Variants in MAP3K13 observed in about 807,000 individuals in gnomAD.
MAP3K13 encodes mitogen-activated protein kinase kinase kinase 13, also known as leucine zipper-bearing kinase.
In MAP3K13, 52 loss-of-function variants were observed where a neutral mutation model predicts 104.0. That is an observed-to-expected ratio of 0.50 (90% confidence interval 0.40 to 0.63). The LOEUF (loss-of-function observed/expected upper bound fraction) is 0.63, where lower values mean the gene tolerates loss of function less well. Ranked by LOEUF, MAP3K13 falls within the 20% of genes least tolerant of loss-of-function variation. The probability of loss-of-function intolerance (pLI) is 0.00; values close to 1 mark genes in which losing one functional copy is unlikely to be tolerated. For synonymous variants in MAP3K13, 394 were observed against 442.2 expected (o/e 0.89, Z 1.37); for missense variants, 914 against 1,218.5 (o/e 0.75, Z 3.72).
In MAP3K13 at chr3:185,293,062, CT is replaced by C. The variant is rs555510345; in HGVS notation, c.-86+7429del. 1,350 of 933,514 alleles carry C rather than the reference CT, an allele frequency of 1.4e-3. 4 individuals carry two copies. Among genetic ancestry groups the C allele is most frequent in the African/African-American group, 0.012 (668 of 55,656 alleles). The allele number at this position is 933,514 out of a possible 1,614,324, so 57.8% of individuals were successfully genotyped here. A position where few individuals can be genotyped will look rare whatever the true frequency, so the allele number is the denominator to read the frequency against. ...GTACTTGGTCATTAAATAAAATGTACTTTTTTTTTTCCTGTGAGTTGCACTT... is the reference window on the plus strand; with the variant it reads ...GTACTTGGTCATTAAATAAAATGTACTTTTTTTTTCCTGTGAGTTGCACTT... On this transcript the variant is annotated intron_variant, in intron 2 of 14. Transcript: ENST00000424227.
intron 11 of MAP3K13, among the ~76,000 whole-genome samples, chr3:185,475,504 C>T (rs1718068773): frequency 6.6e-6 from 1 of 152,086 alleles, no homozygotes; most frequent in Non-Finnish European, 1.5e-5. Context: ...ACTGCATTTC[C>T]CCCTCCACCT....
chr3:185,296,827 ATTAAAT>A (rs2108676804), intron 2 of MAP3K13, among the ~76,000 whole-genome samples: 1 of 152,352 alleles, frequency 6.6e-6, no homozygotes, highest in African/African-American at 2.4e-5. Context: ...AGATGAATTA[ATTAAAT>A]TTATTTATAT....
In MAP3K13 at chr3:185,418,512, C is replaced by T; in HGVS notation, c.-85-9985C>T. ...CACGACACATGTTTCCAAAAGCACCCTGGCCAGAGCGGTGAGTCCCACCAC... is the reference window on the plus strand; with the variant it reads ...CACGACACATGTTTCCAAAAGCACCTTGGCCAGAGCGGTGAGTCCCACCAC... On this transcript the variant is annotated intron_variant, in intron 1 of 13. Coordinates refer to ENST00000265026, the MANE Select transcript of MAP3K13 (RefSeq NM_004721.5). The surrounding 1 kb of genome is among the most constrained non-coding windows in gnomAD (Gnocchi z 4.5). 1 of 1,612,062 alleles carries T rather than the reference C, an allele frequency of 6.2e-7. No homozygotes were observed. The highest frequency in any genetic ancestry group is 8.5e-7 in the Non-Finnish European group (1 of 1,179,858).
intron 12 of MAP3K13, among the ~76,000 whole-genome samples, chr3:185,477,729 T>G (rs937431908): frequency 1.2e-4 from 18 of 152,190 alleles, no homozygotes; most frequent in Non-Finnish European, 2.2e-4. Flanking sequence ...TGCCTCCCTG[T>G]GTTGGTCTGC....
At chr3:185,310,498 A>C (rs1230028003) in intron 2 of MAP3K13, among the ~76,000 whole-genome samples, 1 of 152,210 alleles carries the variant, frequency 6.6e-6, no homozygotes, top group Non-Finnish European at 1.5e-5. Context: ...CAAGTAGAAA[A>C]AGTAGGCCTC....
chr3:185,400,150 T>C (rs1236737447), intron 1 of MAP3K13, among the ~76,000 whole-genome samples: 3 of 152,214 alleles, frequency 2.0e-5, no homozygotes, highest in Non-Finnish European at 2.9e-5. Flanking sequence ...CGAATCCACC[T>C]TTCCAGCCCT....
rs553798332 is a variant in MAP3K13, at chr3:185,423,543, G to A, written c.-85-4954G>A. 2.8e-4 allele frequency among the ~76,000 whole-genome samples: 42 copies of A among 152,280 alleles called. No homozygotes were observed. The highest frequency in any genetic ancestry group is 5.2e-4 in the Admixed American group (8 of 15,290). ...ATGAGCACGAAAAGAACAGGGGAGG[G>A]GAGGCTGGAGTGGGTGGAATGGTGT... On this transcript the variant is annotated intron_variant, in intron 1 of 13. Coordinates refer to ENST00000265026, the MANE Select transcript of MAP3K13 (RefSeq NM_004721.5). This position sits in a 1 kb window ranked among gnomAD's most constrained non-coding sequence, Gnocchi z 4.1.
intron 2 of MAP3K13, among the ~76,000 whole-genome samples, chr3:185,312,430 T>C (rs1721526695): frequency 6.6e-6 from 1 of 152,228 alleles, no homozygotes; most frequent in African/African-American, 2.4e-5. Context: ...ACCCCTCTGG[T>C]TCTATCTCAG....
Position 185,451,735 on chromosome 3 carries a change from C to T in MAP3K13, c.1278+340C>T, listed in dbSNP as rs375646331. 3.4e-4 allele frequency among the ~76,000 whole-genome samples: 51 copies of T among 151,850 alleles called. 1 individual carries two copies. The East Asian group carries it at 3.9e-3, about 12-fold the overall frequency. The stretch of plus-strand genomic sequence containing the variant: ...ATACAAAATTAGCCAGGTATGGTGG[C>T]GCATGCCTGTAATCCCACCTACTCA... On this transcript the variant is annotated intron_variant, in intron 7 of 13. Transcript: ENST00000265026.
chr3:185,484,174 G>T lies in MAP3K13; in HGVS notation c.*1718G>T, dbSNP rs550342584. 1.8e-4 allele frequency: 28 copies of T among 152,286 alleles called. No homozygotes were observed. Among genetic ancestry groups the T allele is most frequent in the African/African-American group, 6.3e-4 (26 of 41,556 alleles). 9.4% of individuals were successfully genotyped at this position (152,286 alleles called of 1,614,324 possible). On this transcript the variant is annotated 3_prime_UTR_variant, in exon 14 of 14. Transcript: ENST00000265026. The stretch of plus-strand genomic sequence containing the variant: ...AAATCAATGCAGTTTTAAATAACTG[G>T]ATTTGAACATTTGTGGAAAGAACAA...
intron 2 of MAP3K13, among the ~76,000 whole-genome samples, chr3:185,332,981 A>G (rs770927283): frequency 1.1e-4 from 16 of 152,232 alleles, no homozygotes; most frequent in Non-Finnish European, 2.1e-4. Flanking sequence ...TTTCCATAGC[A>G]GCTATACCAT....
chr3:185,328,560 T>C (rs573280010), intron 2 of MAP3K13: 1 of 152,372 alleles, frequency 6.6e-6, no homozygotes, highest in South Asian at 2.1e-4. Flanking sequence ...GGGAAAGTTT[T>C]ATGAGAGGAA....
At chr3:185,327,096 C>A (rs987533035) in intron 2 of MAP3K13, among the ~76,000 whole-genome samples, 2 of 152,150 alleles carry the variant, frequency 1.3e-5, no homozygotes, top group African/African-American at 2.4e-5. Context: ...ACCAGGGTGT[C>A]ATCAGGGCGG....
At chr3:185,337,888 C>T (rs974406528) in intron 2 of MAP3K13, among the ~76,000 whole-genome samples, 2 of 151,968 alleles carry the variant, frequency 1.3e-5, no homozygotes, top group Admixed American at 1.3e-4. Context: ...CACTAAAACT[C>T]CCTAAAATAA....
intron 10 of MAP3K13, among the ~76,000 whole-genome samples, chr3:185,471,134 T>C (rs1157188977): frequency 6.6e-6 from 1 of 152,128 alleles, no homozygotes; most frequent in Non-Finnish European, 1.5e-5. Flanking sequence ...AGCATTGTTA[T>C]GGTGGAGGAG....
rs753199573 is a variant in MAP3K13, at chr3:185,447,857, A to G, written c.920A>G (p.Lys307Arg). Residue 307 changes from lysine (K) to arginine (R), a missense_variant, in exon 5 of 14, where the codon AAA becomes AGA. Physicochemically the swap from Lys to Arg is conservative, Grantham distance 26. Coordinates refer to ENST00000265026, the MANE Select transcript of MAP3K13 (RefSeq NM_004721.5). ...DFGTSKELSD[K>R]STKMSFAGTV... is the part of the protein sequence containing the mutation. ...GGTACATCTAAGGAACTCAGTGACA[A>G]AAGTACCAAGATGTCATTTGCTGGC... 1.2e-6 allele frequency: 2 copies of G among 1,614,040 alleles called. No homozygotes were observed. Among genetic ancestry groups the G allele is most frequent in the South Asian group, 1.1e-5 (1 of 91,060 alleles).
intron 1 of MAP3K13, among the ~76,000 whole-genome samples, chr3:185,380,284 A>G (rs1292849683): frequency 1.3e-5 from 2 of 150,970 alleles, no homozygotes; most frequent in Non-Finnish European, 3.0e-5. Context: ...AAGCCAAGGC[A>G]GGAGGATCAC....
intron 2 of MAP3K13, among the ~76,000 whole-genome samples, chr3:185,308,009 C>CTTTTTTTTTTTTTT (rs33949195): frequency 3.2e-5 from 1 of 31,574 alleles, no homozygotes; most frequent in African/African-American, 1.2e-4. Flanking sequence ...TCTTTGGGGT[C>CTTTTTTTTTTTTTT]TTTTTTTTTT....
chr3:185,374,528 C>T (rs907286619), intron 1 of MAP3K13, among the ~76,000 whole-genome samples: 1 of 151,980 alleles, frequency 6.6e-6, no homozygotes, highest in African/African-American at 2.4e-5. Context: ...ACGGAAGATA[C>T]GAGGTCCGAA....
Sources: allele counts gnomAD v4.1 joint callset (sites outside exome capture counted in the v4.1 genomes callset), GRCh38; gene constraint gnomAD v4.1.1; non-coding constraint Gnocchi (gnomAD v3.1); transcripts MANE v1.5; gene names NCBI Gene and HGNC (gene_info 2026-07-23, HGNC 2026-07-21).